ANKRD66: variants seen among roughly 807,000 people sequenced by gnomAD.
The protein encoded by ANKRD66 is ankyrin repeat domain-containing protein 66.
ANKRD66 carries 10 observed loss-of-function variants against 10.9 expected under a neutral mutation model. The observed-to-expected ratio is 0.91, with a 90% CI of 0.56 to 1.55. The LOEUF is 1.55. ANKRD66 is among the 40% of genes most tolerant of loss of function. The pLI is 0.00. For missense variants in ANKRD66, 252 were observed against 242.9 expected (o/e 1.04, Z -0.25); for synonymous variants, 85 against 88.4 (o/e 0.96, Z 0.22).
intron 2 of ANKRD66, among the ~76,000 whole-genome samples, chr6:46,750,330 G>C (rs552765188): frequency 6.6e-6 from 1 of 152,050 alleles, no homozygotes; most frequent in Non-Finnish European, 1.5e-5. Flanking sequence ...ATATTGATTA[G>C]TTCATTTAAA....
At position 46,758,782 on chromosome 6, in the gene ANKRD66, A is replaced by G; in HGVS notation, c.452A>G (p.Asp151Gly). The G allele has an allele frequency of 6.4e-7, 1 of 1,551,336 alleles. No individual in the cohort carries two copies. Among genetic ancestry groups the G allele is most frequent in the Non-Finnish European group, 8.7e-7 (1 of 1,146,858 alleles). The change falls in exon 5 of 5, where the codon GAT becomes GGT. Residue 151 changes from aspartate to glycine, a missense_variant. Coordinates refer to ENST00000565422, the MANE Select transcript of ANKRD66 (RefSeq NM_001162435.3). ...CAAQQKGLPL[D>G]ERDEDWDAKK... ...GCCCAGCAGAAGGGGCTGCCTCTGGATGAGCGTGATGAAGACTGGGATGCC... is the reference window on the plus strand; with the variant it reads ...GCCCAGCAGAAGGGGCTGCCTCTGGGTGAGCGTGATGAAGACTGGGATGCC...
chr6:46,752,211 T>A (rs1766285361), intron 3 of ANKRD66, 100 bp downstream of exon 3: 2 of 1,243,144 alleles, frequency 1.6e-6, no homozygotes, highest in African/African-American at 3.2e-5. Flanking sequence ...AACATTTCTT[T>A]AGAGCCAGTT....
At chr6:46,751,092 G>C (rs547841398) in intron 2 of ANKRD66, among the ~76,000 whole-genome samples, 4 of 152,230 alleles carry the variant, frequency 2.6e-5, no homozygotes, top group African/African-American at 9.6e-5. Context: ...GTTTCATTTA[G>C]GATGTTCCTA....
intron 3 of ANKRD66, 97 bp downstream of exon 3, chr6:46,752,208 C>A: frequency 8.0e-7 from 1 of 1,245,266 alleles, no homozygotes; most frequent in Non-Finnish European, 1.0e-6. Context: ...ACAAACATTT[C>A]TTTAGAGCCA....
chr6:46,754,738 A>G lies in ANKRD66; in HGVS notation c.392+788A>G, dbSNP rs533479069. ...AGTTGAACAAGTGAAAATTTTGCCT[A>G]TGATGAGATTAGTTATCTATAGAAG... On this transcript the variant is annotated intron_variant, in intron 4 of 4. Coordinates refer to ENST00000565422, the MANE Select transcript of ANKRD66 (RefSeq NM_001162435.3). Among the ~76,000 whole-genome samples, 15 of 152,322 alleles carry G rather than the reference A, an allele frequency of 9.8e-5. No individual in the cohort carries two copies. In the South Asian group the frequency reaches 1.2e-3, roughly 13 times the overall value.
chr6:46,751,277 A>G lies in ANKRD66; in HGVS notation c.-12-660A>G, dbSNP rs545614149. On this transcript the variant is annotated intron_variant, in intron 2 of 4. Transcript: ENST00000565422. Reference sequence around the variant, plus strand: ...GTAAAAAGGCCAATAACATTTTAATATAATGAAAACAGCTTTGACTTCACA... The same window carrying G: ...GTAAAAAGGCCAATAACATTTTAATGTAATGAAAACAGCTTTGACTTCACA... Among the ~76,000 whole-genome samples the G allele has an allele frequency of 3.3e-5, 5 of 152,338 alleles. No individual in the cohort carries two copies. The South Asian group carries it at 6.2e-4, about 19-fold the overall frequency.
intron 4 of ANKRD66, chr6:46,758,512 A>G: frequency 2.3e-6 from 1 of 428,274 alleles, no homozygotes; most frequent in Non-Finnish European, 4.1e-6. Context: ...GTCTGTTAAC[A>G]TCTCACTCGG....
At chr6:46,753,070 C>T (rs1308900225) in intron 3 of ANKRD66, among the ~76,000 whole-genome samples, 9 of 152,124 alleles carry the variant, frequency 5.9e-5, no homozygotes, top group East Asian at 5.8e-4. Flanking sequence ...GTAGCTATAC[C>T]GAAACACCTT....
chr6:46,752,338 G>A lies in ANKRD66; in HGVS notation c.163+227G>A, dbSNP rs367674704. 3.3e-4 allele frequency among the ~76,000 whole-genome samples: 51 copies of A among 152,244 alleles called. No homozygotes were observed. In the South Asian group the frequency reaches 9.8e-3, roughly 29 times the overall value. ...TAACCTCCACCTCCTGGGTTCAAGC[G>A]ATTCTCCTGCCTCAGCCTACCGAGT... On this transcript the variant is annotated intron_variant, in intron 3 of 4. Transcript: ENST00000565422.
At chr6:46,749,695 A>G (rs981591095) in intron 1 of ANKRD66, among the ~76,000 whole-genome samples, 3 of 151,918 alleles carry the variant, frequency 2.0e-5, no homozygotes, top group African/African-American at 7.3e-5. Flanking sequence ...GGACACATAC[A>G]TGCTGTCTTT....
In ANKRD66 at chr6:46,753,958, T is replaced by C; in HGVS notation, c.392+8T>C. The C allele has an allele frequency of 6.5e-7, 1 of 1,549,528 alleles. No individual in the cohort carries two copies. The highest frequency in any genetic ancestry group is 1.7e-4 in the Middle Eastern group (1 of 5,978). ...TGTGGCATTTCTGGAAAAGTAAGTT[T>C]ATTTTTTTTCCACCTATAGAAGGAG... On this transcript the variant is annotated splice_region_variant and intron_variant, in intron 4 of 4. Transcript: ENST00000565422.
rs1216557660 is a variant in ANKRD66 at position 46,759,243 on chromosome 6, C to T, written c.*322C>T. On this transcript the variant is annotated 3_prime_UTR_variant, in exon 5 of 5. Transcript: ENST00000565422. ...ACTCTGGCATGAATTAACTTCATCC[C>T]TGATAACGATCGAGAGATAATGTAA... 4.8e-6 allele frequency: 1 copy of T among 206,664 alleles called. No homozygotes were observed. Among genetic ancestry groups the T allele is most frequent in the African/African-American group, 2.3e-5 (1 of 43,592 alleles). 12.8% of individuals were successfully genotyped at this position (206,664 alleles called of 1,614,324 possible).
At chr6:46,747,081 A>T (rs1263204041) in intron 1 of ANKRD66, 91 bp downstream of exon 1, 3 of 1,314,000 alleles carry the variant, frequency 2.3e-6, no homozygotes, top group East Asian at 5.1e-5. Flanking sequence ...ACTACTTTGC[A>T]CTTGATTTCC....
At chr6:46,751,751 G>A (rs1411547023) in intron 2 of ANKRD66, among the ~76,000 whole-genome samples, 186 bp from the exon 3 acceptor site, 1 of 152,166 alleles carries the variant, frequency 6.6e-6, no homozygotes, top group East Asian at 1.9e-4. Context: ...TTTTAGGGTA[G>A]GTGACAGGCA....
rs185349495 is a variant in ANKRD66 at position 46,756,354 on chromosome 6, T to C, written c.393-2369T>C. On this transcript the variant is annotated intron_variant, in intron 4 of 4. Transcript: ENST00000565422. ...AGTTTGTACTAAATTTGGAATGTAA[T>C]AGATTTTCATAAATTACGTGTGCCT... The C allele has an allele frequency of 5.1e-3, 816 of 160,032 alleles. 2 individuals are homozygous for C. Among genetic ancestry groups the C allele is most frequent in the Non-Finnish European group, 8.0e-3 (585 of 72,738 alleles). 9.9% of individuals were successfully genotyped at this position (160,032 alleles called of 1,614,324 possible).
intron 4 of ANKRD66, chr6:46,757,576 C>T (rs540004482): frequency 6.8e-4 from 104 of 152,272 alleles, no homozygotes; most frequent in African/African-American, 2.3e-3. Flanking sequence ...AAGGGGATCA[C>T]TTAAGGAATT....
chr6:46,746,956 G>A lies in ANKRD66; in HGVS notation c.-131G>A. ...ACACTCCGGATGGTTAGGACTGCCT[G>A]TCAGCACAGAGCTCCTCAAATTTCA... On this transcript the variant is annotated 5_prime_UTR_variant, in exon 1 of 5. Transcript: ENST00000565422. 6 of 1,535,564 alleles carry A rather than the reference G, an allele frequency of 3.9e-6. No individual in the cohort carries two copies. In the African/African-American group the frequency reaches 4.1e-5, roughly 10 times the overall value.
At chr6:46,757,926 A>T (rs1766413106) in intron 4 of ANKRD66, 1 of 152,254 alleles carries the variant, frequency 6.6e-6, no homozygotes, top group African/African-American at 2.4e-5. Context: ...GAGAGTGACT[A>T]GGCAGAGGAA....
rs1487753452 is a variant in ANKRD66, at chr6:46,753,732, G to A, written c.174G>A (p.Glu58=). 2 of 1,548,736 alleles carry A rather than the reference G, an allele frequency of 1.3e-6. No individual in the cohort carries two copies. The highest frequency in any genetic ancestry group is 2.4e-5 in the East Asian group (1 of 40,874). Residue 58 remains glutamate (E), a synonymous_variant, in exon 4 of 5, where the codon GAG becomes GAA. Transcript: ENST00000565422. ...LHWAAIKGQM[E]VIRLLIEYGA... ...TTTGGTACATCTAAGGGCAAATGGAGGTGATACGGCTCCTGATAGAATATG... is the reference window on the plus strand; with the variant it reads ...TTTGGTACATCTAAGGGCAAATGGAAGTGATACGGCTCCTGATAGAATATG...
Sources: allele counts gnomAD v4.1 joint callset (sites outside exome capture counted in the v4.1 genomes callset), GRCh38; gene constraint gnomAD v4.1.1; transcripts MANE v1.5; gene names NCBI Gene and HGNC (gene_info 2026-07-23, HGNC 2026-07-21).